Variants in SUFU observed in about 807,000 individuals in gnomAD.
SUFU encodes SUFU negative regulator of hedgehog signaling.
A neutral mutation model predicts 58.9 loss-of-function variants in SUFU; 7 were observed. The ratio of observed to expected loss-of-function variants is 0.12; its 90% CI spans 0.07 to 0.22. The LOEUF is 0.22. SUFU is among the 10% of genes least tolerant of loss of function. The pLI, the probability that SUFU is intolerant of heterozygous loss-of-function variation, is 1.00. For missense variants in SUFU, 451 were observed against 641.3 expected, an observed-to-expected ratio of 0.70 and a Z score of 3.20; for synonymous variants, 232 against 254.8, an observed-to-expected ratio of 0.91 and a Z score of 0.85.
At chr10:102,573,050 T>C in intron 3 of SUFU, 1 of 839,426 alleles carries the variant, frequency 1.2e-6, no homozygotes, top group Non-Finnish European at 2.1e-6. Flanking sequence ...CTGAGGGTAC[T>C]TGGGCTGCCT....
rs1049845846 is a variant in SUFU, at chr10:102,595,673, G to T, written c.757-1467G>T. Among the ~76,000 whole-genome samples, 3 of 152,206 alleles carry T rather than the reference G, an allele frequency of 2.0e-5. No individual in the cohort carries two copies. The South Asian group carries it at 6.2e-4, about 32-fold the overall frequency. ...CTAGTGGTCTTTGAAAGCAAGCCAG[G>T]GTCCCACAGGAACAAAGGACAGCTT... On this transcript the variant is annotated intron_variant, in intron 6 of 11. Coordinates refer to ENST00000369902, the MANE Select transcript of SUFU (RefSeq NM_016169.4).
intron 6 of SUFU, among the ~76,000 whole-genome samples, chr10:102,594,965 C>T (rs1564697886): frequency 6.6e-6 from 1 of 152,208 alleles, no homozygotes; most frequent in Non-Finnish European, 1.5e-5. Flanking sequence ...GATGATCCGC[C>T]CGCCTCGGCC....
At position 102,568,900 on chromosome 10, in the gene SUFU, ATAT is replaced by A. The variant is rs2063126404; in HGVS notation, c.454+18795_454+18797del. 5.7e-4 allele frequency among the ~76,000 whole-genome samples: 4 copies of A among 6,962 alleles called. 1 individual carries two copies. Among genetic ancestry groups the A allele is most frequent in the South Asian group, 4.0e-3 (1 of 250 alleles). 4.6% of individuals were successfully genotyped at this position (6,962 alleles called of 152,430 possible). A position where few individuals can be genotyped will look rare whatever the true frequency, so the allele number is the denominator to read the frequency against. On this transcript the variant is annotated intron_variant, in intron 3 of 11. Coordinates refer to ENST00000369902, the MANE Select transcript of SUFU (RefSeq NM_016169.4). The stretch of plus-strand genomic sequence containing the variant: ...AAAAAAAAAAAAAAAAAAAAAAAAT[ATAT>A]ATATATATATATATATACACATATA...
chr10:102,527,672 C>T (rs1259708495), intron 2 of SUFU, among the ~76,000 whole-genome samples: 1 of 152,060 alleles, frequency 6.6e-6, no homozygotes, highest in Non-Finnish European at 1.5e-5. Context: ...AATATTATTA[C>T]CATTTAGCAT....
At chr10:102,505,596 G>T (rs2062315270) in intron 1 of SUFU, among the ~76,000 whole-genome samples, 1 of 152,188 alleles carries the variant, frequency 6.6e-6, no homozygotes, top group Non-Finnish European at 1.5e-5. Flanking sequence ...TCAGTAGGCT[G>T]TGCAGGGCTG....
chr10:102,555,196 A>T (rs1014925364), intron 3 of SUFU, among the ~76,000 whole-genome samples: 1 of 148,256 alleles, frequency 6.7e-6, no homozygotes, highest in Non-Finnish European at 1.5e-5. Flanking sequence ...TGAACCCAAG[A>T]GATGGAGCTT....
At chr10:102,532,734 G>T (rs1216438560) in intron 2 of SUFU, among the ~76,000 whole-genome samples, 1 of 152,206 alleles carries the variant, frequency 6.6e-6, no homozygotes, top group African/African-American at 2.4e-5. Context: ...GGAGTCATCA[G>T]TGTGTCCACA....
intron 2 of SUFU, among the ~76,000 whole-genome samples, chr10:102,520,146 T>C (rs931099776): frequency 2.0e-5 from 3 of 152,012 alleles, no homozygotes; most frequent in Admixed American, 6.6e-5. Flanking sequence ...TTGATACTTA[T>C]TACTACCTTA....
intron 2 of SUFU, among the ~76,000 whole-genome samples, chr10:102,535,545 G>A (rs534484357): frequency 6.6e-6 from 1 of 152,082 alleles, no homozygotes; most frequent in Non-Finnish European, 1.5e-5. Flanking sequence ...CTTTTGTAGG[G>A]GAAGAAGTGA....
intron 3 of SUFU, among the ~76,000 whole-genome samples, chr10:102,554,335 A>G (rs1005131742): frequency 1.3e-5 from 2 of 152,106 alleles, no homozygotes; most frequent in African/African-American, 2.4e-5. Context: ...CCTGGGAGGC[A>G]GAGGTTGTAG....
intron 5 of SUFU, 131 bp from the exon 6 acceptor site, chr10:102,593,862 C>A: frequency 7.4e-7 from 1 of 1,359,730 alleles, no homozygotes; most frequent in Non-Finnish European, 1.0e-6. Flanking sequence ...ACGACTCACT[C>A]CCTGACAGTC....
chr10:102,519,644 T>C (rs2062523352), intron 2 of SUFU, among the ~76,000 whole-genome samples: 1 of 152,168 alleles, frequency 6.6e-6, no homozygotes, highest in Non-Finnish European at 1.5e-5. Flanking sequence ...CAAGTTCCCA[T>C]GGTCATGCTG....
intron 5 of SUFU, 38 bp from the exon 6 acceptor site, chr10:102,593,955 C>T (rs1327487643): frequency 1.2e-6 from 2 of 1,612,194 alleles, no homozygotes; most frequent in Non-Finnish European, 1.7e-6. Flanking sequence ...CAGCCCCAGA[C>T]CCTCAGTTAC....
chr10:102,503,159 CCTCA>C (rs1311601251), upstream of SUFU, among the ~76,000 whole-genome samples: 14 of 152,176 alleles, frequency 9.2e-5, no homozygotes, highest in African/African-American at 3.4e-4. Context: ...TCTCCTAGCA[CCTCA>C]CACTCTAACA....
chr10:102,547,010 G>A (rs993669735), intron 2 of SUFU, among the ~76,000 whole-genome samples: 5 of 152,266 alleles, frequency 3.3e-5, no homozygotes, highest in Middle Eastern at 3.2e-3. Context: ...CTGATCCAGT[G>A]ATTTCTTTCT....
intron 2 of SUFU, among the ~76,000 whole-genome samples, chr10:102,540,736 T>C (rs1203137453): frequency 6.8e-6 from 1 of 146,934 alleles, no homozygotes; most frequent in African/African-American, 2.5e-5. Flanking sequence ...ATATATATAT[T>C]TCAGACCAGG....
intron 10 of SUFU, chr10:102,618,784 C>A (rs1347410611): frequency 1.5e-5 from 8 of 517,980 alleles, no homozygotes; most frequent in Non-Finnish European, 2.7e-5. Flanking sequence ...TCCCTACCCC[C>A]AGCCATGTCC....
rs2063718810 is a variant in SUFU, at chr10:102,619,215, G to A, written c.1296+1787G>A. The A allele has an allele frequency of 6.3e-7, 1 of 1,576,230 alleles. No individual in the cohort carries two copies. Among genetic ancestry groups the A allele is most frequent in the Admixed American group, 1.8e-5 (1 of 56,098 alleles). On this transcript the variant is annotated intron_variant, in intron 10 of 11. Coordinates refer to ENST00000369902, the MANE Select transcript of SUFU (RefSeq NM_016169.4). This position sits in a 1 kb window ranked among gnomAD's most constrained non-coding sequence, Gnocchi z 4.2. ...ATGTCACATTGCCCCTCAGTCCCCT[G>A]AATGCCCTTCGGACCCAACCCCAAT...
intron 3 of SUFU, among the ~76,000 whole-genome samples, chr10:102,561,734 T>C: frequency 6.8e-6 from 1 of 147,054 alleles, no homozygotes; most frequent in African/African-American, 2.5e-5. Flanking sequence ...AGTGGTACGA[T>C]TATGGCTCAC....
Sources: allele counts gnomAD v4.1 joint callset (sites outside exome capture counted in the v4.1 genomes callset), GRCh38; gene constraint gnomAD v4.1.1; non-coding constraint Gnocchi (gnomAD v3.1); transcripts MANE v1.5; gene names NCBI Gene and HGNC (gene_info 2026-07-23, HGNC 2026-07-21).